ESCO2: variants seen among roughly 807,000 people sequenced by gnomAD.
ESCO2 encodes N-acetyltransferase ESCO2.
A neutral mutation model predicts 61.7 loss-of-function variants in ESCO2; 51 were observed. The observed-to-expected ratio is 0.83, with a 90% CI of 0.66 to 1.04. The LOEUF is 1.04. ESCO2 is among the 50% of genes least tolerant of loss of function. The pLI is 0.00. For synonymous variants in ESCO2, 230 were observed against 238.2 expected, an observed-to-expected ratio of 0.97 and a Z score of 0.32; for missense variants, 692 against 686.2, an observed-to-expected ratio of 1.01 and a Z score of -0.09.
intron 10 of ESCO2, among the ~76,000 whole-genome samples, chr8:27,802,633 ATATATATATATATATATATATATTAT>A (rs1805467237): frequency 1.1e-4 from 6 of 53,842 alleles, no homozygotes; most frequent in Non-Finnish European, 2.0e-4. Flanking sequence ...AAAAAAAAAT[ATATATATATATATATATATATATTAT>A]ATATATATAT....
chr8:27,772,637 A>G, upstream of ESCO2: 1 of 1,225,604 alleles, frequency 8.2e-7, no homozygotes, highest in Non-Finnish European at 1.2e-6. Flanking sequence ...TGGCCCCCGG[A>G]ACTCCTCCGT....
At position 27,776,973 on chromosome 8, in the gene ESCO2, C is replaced by A. The variant is rs1406181632; in HGVS notation, c.665C>A (p.Ser222Ter). ...FVRKKSSLRKSSLENEPSLGR... is the reference protein window; with the variant it reads ...FVRKKSSLRK ...AGAAAAAAATCTTCTCTTAGAAAAT[C>A]GTCCCTGGAAAATGAGCCGTCACTG... The change falls in exon 3 of 11, where the codon TCG becomes TAG. Residue 222 changes from serine (S) to a stop codon, truncating the protein, a stop_gained. Coordinates refer to ENST00000305188, the MANE Select transcript of ESCO2 (RefSeq NM_001017420.3). LOFTEE classifies it high-confidence loss of function. The A allele has an allele frequency of 6.2e-7, 1 of 1,613,002 alleles. No homozygotes were observed.
intron 3 of ESCO2, chr8:27,778,110 GTC>G (rs1465426145): frequency 7.9e-5 from 12 of 152,196 alleles, no homozygotes; most frequent in Admixed American, 5.9e-4. Context: ...CATTTCTGGT[GTC>G]TCATGAAATA....
At chr8:27,810,846 G>T, downstream of ESCO2, 2 of 726,326 alleles carry the variant, frequency 2.8e-6, no homozygotes, top group Non-Finnish European at 4.5e-6. Context: ...ATTAAACCTT[G>T]GTGGTACCAA....
At chr8:27,786,811 C>CAA (rs1464596909) in intron 5 of ESCO2, among the ~76,000 whole-genome samples, 2 of 98,872 alleles carry the variant, frequency 2.0e-5, no homozygotes. Context: ...TCTACTTTGT[C>CAA]AGGTTTTTTT....
At chr8:27,772,532 G>A (rs1053637899), upstream of ESCO2, 4 of 1,549,772 alleles carry the variant, frequency 2.6e-6, no homozygotes, top group African/African-American at 5.5e-5. Context: ...TGGTGAAGTA[G>A]AACACCATGA....
Position 27,802,980 on chromosome 8 carries a change from G to A in ESCO2, c.1674-326G>A, listed in dbSNP as rs540429778. 2.0e-4 allele frequency among the ~76,000 whole-genome samples: 31 copies of A among 151,846 alleles called. No homozygotes were observed. In the South Asian group the frequency reaches 6.3e-3, roughly 31 times the overall value. On this transcript the variant is annotated intron_variant, in intron 10 of 10. Coordinates refer to ENST00000305188, the MANE Select transcript of ESCO2 (RefSeq NM_001017420.3). ...ATAGTCTCGACCTCGTGATCCGTCC[G>A]CCTTGGCCTCCCAAAGTGCTGGGAT...
At chr8:27,800,397 G>A (rs1805397359) in intron 10 of ESCO2, among the ~76,000 whole-genome samples, 2 of 152,082 alleles carry the variant, frequency 1.3e-5, no homozygotes. Context: ...TCTTTATCAG[G>A]GAAATCACAA....
intron 5 of ESCO2, 114 bp downstream of exon 5, chr8:27,784,171 A>G (rs1163416696): frequency 1.0e-5 from 9 of 857,442 alleles, no homozygotes; most frequent in Middle Eastern, 2.2e-4. Context: ...TTCCTCACTA[A>G]GGGGAATAGG....
At chr8:27,801,525 A>G (rs1357279662) in intron 10 of ESCO2, among the ~76,000 whole-genome samples, 11 of 152,178 alleles carry the variant, frequency 7.2e-5, no homozygotes, top group African/African-American at 1.7e-4. Flanking sequence ...ATACTTTTCT[A>G]TGTTTTATAT....
chr8:27,798,400 C>T (rs1805350589), intron 9 of ESCO2, among the ~76,000 whole-genome samples: 1 of 151,816 alleles, frequency 6.6e-6, no homozygotes, highest in South Asian at 2.1e-4. Context: ...GTGGAGGTTG[C>T]AGTGAGCGAG....
At position 27,788,870 on chromosome 8, in the gene ESCO2, G is replaced by A. The variant is rs761120430; in HGVS notation, c.1155G>A (p.Gly385=). 6 of 1,613,940 alleles carry A rather than the reference G, an allele frequency of 3.7e-6. No homozygotes were observed. The South Asian group carries it at 6.6e-5, about 18-fold the overall frequency. Residue 385 remains glycine (G), a synonymous_variant, in exon 7 of 11, where the codon GGG becomes GGA. Coordinates refer to ENST00000305188, the MANE Select transcript of ESCO2 (RefSeq NM_001017420.3). ...LIIDAGQKHF[G]ATVCKSCGMI... is the part of the protein sequence containing the mutation. ...AGGACGCTGGTCAGAAACATTTTGG[G>A]GCTACTGTGTGCAAGTCTTGTGGTA...
At chr8:27,818,374 C>CTATTCTAGAGTTGAGGATAT in the ESCO2 span, among the ~76,000 whole-genome samples, 1 of 152,200 alleles carries the variant, frequency 6.6e-6, no homozygotes, top group Non-Finnish European at 1.5e-5. Context: ...AAGTCAGGCA[C>CTATTCTAGAGTTGAGGATAT]TATTCTAGAG....
chr8:27,790,332 A>G (rs1247286864), intron 7 of ESCO2, among the ~76,000 whole-genome samples: 1 of 152,152 alleles, frequency 6.6e-6, no homozygotes, highest in Non-Finnish European at 1.5e-5. Context: ...TTGAATTTAT[A>G]TTTTTGATAT....
downstream of ESCO2, among the ~76,000 whole-genome samples, chr8:27,814,219 CAT>C (rs1460742291): frequency 6.6e-6 from 1 of 152,150 alleles, no homozygotes; most frequent in Non-Finnish European, 1.5e-5. Context: ...TCTTAGTAGA[CAT>C]AGGGCTATGT....
At chr8:27,806,466 A>G (rs974739357), downstream of ESCO2, among the ~76,000 whole-genome samples, 2 of 152,154 alleles carry the variant, frequency 1.3e-5, no homozygotes, top group Admixed American at 6.5e-5. Context: ...CTATTATTGG[A>G]CTTTGCATTT....
rs1805381023 is a variant in ESCO2 at position 27,799,649 on chromosome 8, A to G, written c.1606A>G (p.Ser536Gly). Reference sequence around the variant, plus strand: ...ACCAGAACCTGCAGTCTGTGGGATAAGTAGAATCTGGGTTTTCAGACTGAA... The same window carrying G: ...ACCAGAACCTGCAGTCTGTGGGATAGGTAGAATCTGGGTTTTCAGACTGAA... Reference protein sequence around the residue: ...DVPEPAVCGISRIWVFRLKRR... With the variant: ...DVPEPAVCGIGRIWVFRLKRR... The change falls in exon 10 of 11, where the codon AGT becomes GGT. Residue 536 changes from serine (S) to glycine (G), a missense_variant. Coordinates refer to ENST00000305188, the MANE Select transcript of ESCO2 (RefSeq NM_001017420.3). 1.2e-6 allele frequency: 2 copies of G among 1,613,866 alleles called. No homozygotes were observed. The highest frequency in any genetic ancestry group is 1.7e-5 in the Admixed American group (1 of 59,948).
chr8:27,780,143 T>G, intron 3 of ESCO2, 31 bp from the exon 4 acceptor site: 1 of 1,313,714 alleles, frequency 7.6e-7, no homozygotes, highest in Non-Finnish European at 1.1e-6. Flanking sequence ...AAATTACAGA[T>G]GTTTGGTTTT....
downstream of ESCO2, among the ~76,000 whole-genome samples, chr8:27,815,553 A>G (rs531655186): frequency 2.0e-5 from 3 of 152,362 alleles, no homozygotes; most frequent in South Asian, 4.1e-4. Flanking sequence ...CATGGCCCAC[A>G]TGGGCAGTGA....
Sources: gnomAD v4.1 joint callset for allele counts (sites outside exome capture counted in the v4.1 genomes callset) on GRCh38, gnomAD v4.1.1 for gene constraint, MANE v1.5 for transcripts, NCBI Gene and HGNC (gene_info 2026-07-23, HGNC 2026-07-21) for gene names.